The following STPG2 variants were observed in gnomAD, a reference collection of about 807,000 sequenced individuals.
The protein encoded by STPG2 is sperm-tail PG-rich repeat-containing protein 2.
A neutral mutation model predicts 54.2 loss-of-function variants in STPG2; 56 were observed. That is an observed-to-expected ratio of 1.03 (90% CI 0.83 to 1.29). The LOEUF is 1.29. Among genes scored for constraint, STPG2 ranks in the 50% most tolerant of loss-of-function variants. The pLI, the probability that STPG2 is intolerant of heterozygous loss-of-function variation, is 0.00. For synonymous variants in STPG2, 200 were observed against 181.8 expected (o/e 1.10, Z -0.81); for missense variants, 596 against 544.9 (o/e 1.09, Z -0.93).
At chr4:97,794,227 C>A (rs901224957) in intron 9 of STPG2, among the ~76,000 whole-genome samples, 2 of 152,002 alleles carry the variant, frequency 1.3e-5, no homozygotes, top group African/African-American at 4.8e-5. Flanking sequence ...AATATCTTTG[C>A]ATTTCTTAGA....
At chr4:97,937,600 CTGTT>C (rs1302864250) in intron 8 of STPG2, among the ~76,000 whole-genome samples, 1 of 152,072 alleles carries the variant, frequency 6.6e-6, no homozygotes, top group Non-Finnish European at 1.5e-5. Flanking sequence ...TTGTTGCTTT[CTGTT>C]TGTTTGTTTT....
In STPG2 at chr4:97,752,808, T is replaced by C. The variant is rs183389939; in HGVS notation, c.1205-39994A>G. Among the ~76,000 whole-genome samples, 43 of 151,946 alleles carry C rather than the reference T, an allele frequency of 2.8e-4. 1 individual carries two copies. Among genetic ancestry groups the C allele is most frequent in the Admixed American group, 2.4e-3 (36 of 15,216 alleles). Reference sequence around the variant, plus strand: ...CCCAAATACTAAAACCCTTCAGGGCTCTATTCAGATTCTACATCCTTCATA... The same window carrying C: ...CCCAAATACTAAAACCCTTCAGGGCCCTATTCAGATTCTACATCCTTCATA... On this transcript the variant is annotated intron_variant, in intron 9 of 10. Transcript: ENST00000295268.
chr4:97,470,945 G>A (rs1338594881), intron 4 of STPG2, among the ~76,000 whole-genome samples: 12 of 152,084 alleles, frequency 7.9e-5, no homozygotes, highest in Admixed American at 5.9e-4. Context: ...ATCTGCTTTG[G>A]TTGATCCTGG....
chr4:97,672,119 A>G (rs548185470), intron 10 of STPG2, among the ~76,000 whole-genome samples: 1 of 151,948 alleles, frequency 6.6e-6, no homozygotes, highest in African/African-American at 2.4e-5. Context: ...TTTACATGGT[A>G]AAAAACTGTC....
intron 10 of STPG2, among the ~76,000 whole-genome samples, chr4:97,657,760 C>T (rs1361104576): frequency 6.6e-6 from 1 of 152,184 alleles, no homozygotes; most frequent in Non-Finnish European, 1.5e-5. Context: ...TATGGTATTC[C>T]ATGAGTCTGA....
chr4:97,597,357 G>A (rs554352514), intron 10 of STPG2, among the ~76,000 whole-genome samples: 15 of 152,020 alleles, frequency 9.9e-5, no homozygotes, highest in African/African-American at 3.1e-4. Flanking sequence ...CATTCCTACC[G>A]AAACTATTCC....
chr4:97,860,862 G>A (rs370401733), intron 8 of STPG2, among the ~76,000 whole-genome samples: 3 of 152,224 alleles, frequency 2.0e-5, no homozygotes, highest in South Asian at 2.1e-4. Context: ...CCAGTTCTCA[G>A]GGAAAATGCT....
At chr4:98,042,820 A>G (rs921056362) in intron 5 of STPG2, among the ~76,000 whole-genome samples, 3 of 152,038 alleles carry the variant, frequency 2.0e-5, no homozygotes, top group African/African-American at 4.8e-5. Flanking sequence ...CATTTGGTCT[A>G]AAGTCCAATT....
In STPG2 at chr4:97,447,591, T is replaced by A. The variant is rs1056564548; in HGVS notation, c.463-259758A>T. Among the ~76,000 whole-genome samples, 12 of 152,180 alleles carry A rather than the reference T, an allele frequency of 7.9e-5. No homozygotes were observed. In the South Asian group the frequency reaches 1.2e-3, roughly 16 times the overall value. On this transcript the variant is annotated intron_variant, in intron 4 of 4. Transcript: ENST00000522676. ...CTTGGCTAAAACGGGCAAGGTATGG[T>A]TCAAACTGTTGCTTCAGAGGGTGCA...
At chr4:97,821,179 G>A (rs993021523) in intron 9 of STPG2, among the ~76,000 whole-genome samples, 1 of 152,130 alleles carries the variant, frequency 6.6e-6, no homozygotes, top group African/African-American at 2.4e-5. Context: ...AAACATGCCT[G>A]TTCCAAAAGA....
intron 5 of STPG2, among the ~76,000 whole-genome samples, chr4:98,074,942 G>GA (rs920869258): frequency 4.7e-5 from 6 of 127,956 alleles, no homozygotes; most frequent in African/African-American, 1.5e-4. Context: ...ATTATATACA[G>GA]AAAAAAATAT....
chr4:97,637,784 A>G (rs1279177474), intron 10 of STPG2, among the ~76,000 whole-genome samples: 2 of 152,130 alleles, frequency 1.3e-5, no homozygotes, highest in East Asian at 3.9e-4. Context: ...TCCAACTTAC[A>G]AGGGATGTGA....
intron 10 of STPG2, among the ~76,000 whole-genome samples, chr4:97,688,755 T>A (rs914410768): frequency 2.0e-5 from 3 of 152,154 alleles, no homozygotes; most frequent in African/African-American, 7.2e-5. Context: ...ATAGTAAGAA[T>A]CTTATAGAAT....
chr4:97,697,983 G>T (rs999126419), intron 10 of STPG2, among the ~76,000 whole-genome samples: 1 of 152,150 alleles, frequency 6.6e-6, no homozygotes, highest in South Asian at 2.1e-4. Context: ...AAATACGTGG[G>T]TAAAACTCTG....
chr4:97,621,463 A>C (rs1208698647), intron 10 of STPG2, among the ~76,000 whole-genome samples: 1 of 152,166 alleles, frequency 6.6e-6, no homozygotes, highest in Non-Finnish European at 1.5e-5. Context: ...CACTGACCCC[A>C]CAGACATACA....
intron 8 of STPG2, among the ~76,000 whole-genome samples, chr4:97,900,907 G>A (rs1263546548): frequency 6.6e-6 from 1 of 151,934 alleles, no homozygotes; most frequent in Non-Finnish European, 1.5e-5. Flanking sequence ...ACCTTCATAT[G>A]TATCCTCAAA....
intron 10 of STPG2, among the ~76,000 whole-genome samples, chr4:97,710,676 T>A (rs1355608591): frequency 6.6e-6 from 1 of 152,048 alleles, no homozygotes; most frequent in African/African-American, 2.4e-5. Flanking sequence ...CATGAGAGAC[T>A]GTCAAATTAA....
rs183643276 is a variant in STPG2 at position 97,622,756 on chromosome 4, T to A, written c.1321-63639A>T. On this transcript the variant is annotated intron_variant, in intron 10 of 10. Transcript: ENST00000295268. ...CAATGACATTGTTTACAGAATTTTT[T>A]AAAAAAAACTATCTTAAAATTTGTA... Among the ~76,000 whole-genome samples the A allele has an allele frequency of 2.0e-3, 303 of 151,842 alleles. 3 individuals carry two copies. The highest frequency in any genetic ancestry group is 5.9e-3 in the African/African-American group (245 of 41,444).
rs1725363329 is a variant in STPG2, at chr4:97,744,456, C to A, written c.1205-31642G>T. 2.0e-5 allele frequency among the ~76,000 whole-genome samples: 3 copies of A among 151,064 alleles called. 1 individual carries two copies. In the South Asian group the frequency reaches 6.2e-4, roughly 31 times the overall value. On this transcript the variant is annotated intron_variant, in intron 9 of 10. Coordinates refer to ENST00000295268, the MANE Select transcript of STPG2 (RefSeq NM_174952.3). The stretch of plus-strand genomic sequence containing the variant: ...AATATTTAAATAAAGGTGTTTAATT[C>A]TATTAAACATTTGGCAATATAATTT...
Sources: gnomAD v4.1 joint callset for allele counts (sites outside exome capture counted in the v4.1 genomes callset) on GRCh38, gnomAD v4.1.1 for gene constraint, MANE v1.5 for transcripts, NCBI Gene and HGNC (gene_info 2026-07-23, HGNC 2026-07-21) for gene names.